The following NRXN3 variants were observed in gnomAD, a reference collection of about 807,000 sequenced individuals.
NRXN3 encodes neurexin 3.
Under a neutral mutation model 137.6 loss-of-function variants are expected in NRXN3, and 32 were observed. The ratio of observed to expected loss-of-function variants is 0.23; its 90% CI spans 0.18 to 0.31. NRXN3 has a LOEUF of 0.31. Ranked by LOEUF, NRXN3 falls within the 10% of genes least tolerant of loss-of-function variation. The pLI, the probability that NRXN3 is intolerant of heterozygous loss-of-function variation, is 1.00. For synonymous variants in NRXN3, 798 were observed against 784.5 expected (o/e 1.02, Z -0.29); for missense variants, 1,574 against 2,062.5 (o/e 0.76, Z 4.59).
At chr14:79,751,954 C>A (rs540545784) in intron 19 of NRXN3, among the ~76,000 whole-genome samples, 1 of 151,824 alleles carries the variant, frequency 6.6e-6, no homozygotes, top group Non-Finnish European at 1.5e-5. Context: ...CTTTTTGATG[C>A]GCTGCTGGAT....
At chr14:79,392,525 G>A (rs895575704) in intron 15 of NRXN3, among the ~76,000 whole-genome samples, 1 of 152,108 alleles carries the variant, frequency 6.6e-6, no homozygotes, top group Non-Finnish European at 1.5e-5. Flanking sequence ...GGACTGCTGG[G>A]TCAAATGTTA....
chr14:78,774,930 A>AAAGAAT (rs2098740222), intron 8 of NRXN3, among the ~76,000 whole-genome samples: 1 of 152,146 alleles, frequency 6.6e-6, no homozygotes, highest in African/African-American at 2.4e-5. Flanking sequence ...CTCTAAAAAA[A>AAAGAAT]AAGAATAAAA....
chr14:79,571,131 C>G (rs192429915), intron 16 of NRXN3, among the ~76,000 whole-genome samples: 2 of 152,246 alleles, frequency 1.3e-5, no homozygotes, highest in Non-Finnish European at 2.9e-5. Flanking sequence ...CTTCCCTATG[C>G]TGGTGTGGAA....
intron 16 of NRXN3, among the ~76,000 whole-genome samples, chr14:79,513,928 T>C (rs904377537): frequency 2.6e-5 from 4 of 152,194 alleles, no homozygotes; most frequent in Non-Finnish European, 5.9e-5. Flanking sequence ...AAAATGTCAC[T>C]ATACAATAAA....
intron 19 of NRXN3, among the ~76,000 whole-genome samples, chr14:79,779,826 T>C (rs1307455941): frequency 1.3e-5 from 2 of 152,182 alleles, no homozygotes; most frequent in African/African-American, 4.8e-5. Flanking sequence ...CAACACCATG[T>C]TCAATGGGCA....
intron 16 of NRXN3, among the ~76,000 whole-genome samples, chr14:79,503,674 T>C (rs926060450): frequency 1.3e-5 from 2 of 152,168 alleles, no homozygotes; most frequent in Admixed American, 1.3e-4. Context: ...TTCCTGCCAC[T>C]CCAGCCCACT....
chr14:78,769,855 T>C (rs1485907786), intron 8 of NRXN3, among the ~76,000 whole-genome samples: 2 of 152,084 alleles, frequency 1.3e-5, no homozygotes, highest in Non-Finnish European at 2.9e-5. Flanking sequence ...TTCCATCTAT[T>C]GAGTGACTGG....
At chr14:78,547,103 C>T (rs1046657123) in intron 4 of NRXN3, among the ~76,000 whole-genome samples, 1 of 152,102 alleles carries the variant, frequency 6.6e-6, no homozygotes, top group African/African-American at 2.4e-5. Context: ...CTGTCTGCTC[C>T]CTGATCTTTT....
intron 15 of NRXN3, among the ~76,000 whole-genome samples, chr14:79,029,846 G>A (rs1259826745): frequency 2.6e-5 from 4 of 151,242 alleles, no homozygotes; most frequent in African/African-American, 4.9e-5. Context: ...TTGTTTGTTT[G>A]TTTATTTATT....
intron 20 of NRXN3, among the ~76,000 whole-genome samples, chr14:79,855,294 G>A (rs1372541533): frequency 6.6e-6 from 1 of 152,130 alleles, no homozygotes; most frequent in Non-Finnish European, 1.5e-5. Context: ...TTTTCATCAA[G>A]AAGTTACTTG....
chr14:79,453,179 G>A (rs950687948), intron 15 of NRXN3, among the ~76,000 whole-genome samples: 1 of 152,088 alleles, frequency 6.6e-6, no homozygotes, highest in African/African-American at 2.4e-5. Flanking sequence ...TGTAATCCCA[G>A]AACTTTGGGA....
chr14:79,416,591 G>A (rs960479680), intron 15 of NRXN3, among the ~76,000 whole-genome samples: 1 of 152,060 alleles, frequency 6.6e-6, no homozygotes, highest in Non-Finnish European at 1.5e-5. Flanking sequence ...TTTAGAATTT[G>A]GCACATTTTA....
intron 15 of NRXN3, among the ~76,000 whole-genome samples, chr14:79,144,857 C>T (rs1047859265): frequency 2.0e-5 from 3 of 151,894 alleles, no homozygotes; most frequent in African/African-American, 7.3e-5. Flanking sequence ...ATCATTCTCT[C>T]CTCTTTCTTT....
At chr14:78,346,098 G>A (rs2082700379) in intron 4 of NRXN3, among the ~76,000 whole-genome samples, 1 of 152,194 alleles carries the variant, frequency 6.6e-6, no homozygotes, top group African/African-American at 2.4e-5. Context: ...TGAAACTGCT[G>A]ATGCTCTATT....
At chr14:79,225,981 A>G (rs148797580) in intron 15 of NRXN3, among the ~76,000 whole-genome samples, 3 of 152,224 alleles carry the variant, frequency 2.0e-5, no homozygotes, top group Non-Finnish European at 4.4e-5. Flanking sequence ...GCCCACCCAG[A>G]TAATCCAGGA....
intron 15 of NRXN3, among the ~76,000 whole-genome samples, chr14:79,346,141 T>C (rs1050505338): frequency 6.6e-6 from 1 of 152,118 alleles, no homozygotes; most frequent in Non-Finnish European, 1.5e-5. Flanking sequence ...ACACAGCGGC[T>C]GGGCACAGTG....
At chr14:78,277,869 G>C (rs1008569826) in intron 2 of NRXN3, among the ~76,000 whole-genome samples, 1 of 152,206 alleles carries the variant, frequency 6.6e-6, no homozygotes, top group Non-Finnish European at 1.5e-5. Context: ...ATGTCAACCT[G>C]TCTAGGGTTG....
chr14:78,412,390 T>C (rs2092885104), intron 4 of NRXN3, among the ~76,000 whole-genome samples: 1 of 152,116 alleles, frequency 6.6e-6, no homozygotes, highest in Non-Finnish European at 1.5e-5. Flanking sequence ...ACTTGTGGTG[T>C]ACTAAGGCAC....
At chr14:79,779,993 G>A (rs1435519271) in intron 19 of NRXN3, among the ~76,000 whole-genome samples, 2 of 152,026 alleles carry the variant, frequency 1.3e-5, no homozygotes, top group African/African-American at 2.4e-5. Flanking sequence ...GCCTCCCAAA[G>A]TTCTGGGATT....
Sources: gnomAD v4.1 joint callset for allele counts (sites outside exome capture counted in the v4.1 genomes callset) on GRCh38, gnomAD v4.1.1 for gene constraint, MANE v1.5 for transcripts, NCBI Gene and HGNC (gene_info 2026-07-23, HGNC 2026-07-21) for gene names.